TTN: variants seen among roughly 807,000 people sequenced by gnomAD.
TTN encodes connectin.
In TTN, 1,525 loss-of-function variants were observed where a neutral mutation model predicts 3,223.0. The observed-to-expected ratio is 0.47, with a 90% CI of 0.45 to 0.49. The LOEUF (loss-of-function observed/expected upper bound fraction) is 0.49, where lower values mean the gene tolerates loss of function less well. TTN is among the 20% of genes least tolerant of loss of function. The pLI, the probability that TTN is intolerant of heterozygous loss-of-function variation, is 0.00. For missense variants in TTN, 40,786 were observed against 43,424.0 expected (o/e 0.94, Z 5.40); for synonymous variants, 14,094 against 15,161.0 (o/e 0.93, Z 5.17).
Position 178,782,999 on chromosome 2 carries a change from G to A in TTN, c.2907C>T (p.Tyr969=). Residue 969 remains tyrosine, a synonymous_variant, in exon 18 of 363, where the codon TAC becomes TAT. Coordinates refer to ENST00000589042, the MANE Select transcript of TTN (RefSeq NM_001267550.2). ...SVTLECHISG[Y]PSPTVTWYRE... ...TGTACCATGTCACTGTCGGGGATGGGTATCCAGAGATGTGGCACTCCAAGG... is the reference window on the plus strand; with the variant it reads ...TGTACCATGTCACTGTCGGGGATGGATATCCAGAGATGTGGCACTCCAAGG... 1.2e-6 allele frequency: 2 copies of A among 1,614,104 alleles called. No individual in the cohort carries two copies. Among genetic ancestry groups the A allele is most frequent in the Non-Finnish European group, 1.7e-6 (2 of 1,179,980 alleles).
At position 178,777,960 on chromosome 2, in the gene TTN, A is replaced by G. The variant is rs778304141; in HGVS notation, c.4224T>C (p.Arg1408=). ...PVSRIRSLSP[R]SVSRSPIRMS... is the part of the protein sequence containing the mutation. ...TGCGTATAGGAGACCTGCTCACTGA[A>G]CGTGGAGAGAGAGATCTGCAAAACA... is the stretch of plus-strand genomic sequence containing the variant. Residue 1408 remains arginine (R), a synonymous_variant, in exon 25 of 363, where the codon CGT becomes CGC. Coordinates refer to ENST00000589042, the MANE Select transcript of TTN (RefSeq NM_001267550.2). 2 of 1,613,818 alleles carry G rather than the reference A, an allele frequency of 1.2e-6. No individual in the cohort carries two copies. Among genetic ancestry groups the G allele is most frequent in the South Asian group, 1.1e-5 (1 of 91,066 alleles).
chr2:178,664,613 A>C, intron 167 of TTN, 41 bp downstream of exon 167: 1 of 1,607,958 alleles, frequency 6.2e-7, no homozygotes, highest in South Asian at 1.1e-5. Context: ...TATACAAGAA[A>C]AGACATGTTC....
At position 178,531,071 on chromosome 2, in the gene TTN, A is replaced by G. The variant is rs886042549; in HGVS notation, c.105544T>C (p.Tyr35182His). 1 of 1,613,868 alleles carries G rather than the reference A, an allele frequency of 6.2e-7. No homozygotes were observed. The highest frequency in any genetic ancestry group is 1.1e-5 in the South Asian group (1 of 91,074). ...SARHQVTTTK[Y>H]KSTFEISSVQ... ...GAAGAGATCTCAAAGGTTGATTTGTACTTTGTGGTGGTCACTTGGTGGCGG... is the reference window on the plus strand; with the variant it reads ...GAAGAGATCTCAAAGGTTGATTTGTGCTTTGTGGTGGTCACTTGGTGGCGG... The change falls in exon 358 of 363, where the codon TAC becomes CAC. Residue 35182 changes from tyrosine to histidine, a missense_variant. Tyr to His is a moderately conservative substitution (Grantham distance 83). Transcript: ENST00000589042.
rs756672871 is a variant in TTN, at chr2:178,689,068, C to T, written c.32080G>A (p.Ala10694Thr). 29 of 1,583,032 alleles carry T rather than the reference C, an allele frequency of 1.8e-5. No individual in the cohort carries two copies. Among genetic ancestry groups the T allele is most frequent in the Non-Finnish European group, 8.6e-7 (1 of 1,167,762 alleles). ...CAAATCCTACCTCGGGGAGGAGGAG[C>T]TTTCTTAGCGACAGGAACTGGCACT... ...VAVPVPVAKK[A>T]PPPRAEVSKK... Residue 10694 changes from alanine (A) to threonine (T), a missense_variant, in exon 125 of 363, where the codon GCT becomes ACT. Physicochemically the swap from Ala to Thr is moderately conservative, Grantham distance 58. Coordinates refer to ENST00000589042, the MANE Select transcript of TTN (RefSeq NM_001267550.2).
chr2:178,718,594 G>A lies in TTN; in HGVS notation c.24512C>T (p.Ala8171Val), dbSNP rs755340155. The stretch of plus-strand genomic sequence containing the variant: ...ATCAGCCAATCTTTTCACAAAGGTG[G>A]CTGGTTCTATAAGGAGAAAACATGT... ...CTTHLFVKEPATFVKRLADFS... is the reference protein window; with the variant it reads ...CTTHLFVKEPVTFVKRLADFS... The change falls in exon 85 of 363, where the codon GCC becomes GTC. Residue 8171 changes from alanine to valine, a missense_variant. Coordinates refer to ENST00000589042, the MANE Select transcript of TTN (RefSeq NM_001267550.2). The A allele has an allele frequency of 2.5e-6, 4 of 1,611,526 alleles. No individual in the cohort carries two copies. In the African/African-American group the frequency reaches 4.0e-5, roughly 16 times the overall value.
In TTN at chr2:178,570,359, T is replaced by G. The variant is rs768945739; in HGVS notation, c.75773A>C (p.Asn25258Thr). 6.2e-7 allele frequency: 1 copy of G among 1,613,152 alleles called. No individual in the cohort carries two copies. Among genetic ancestry groups the G allele is most frequent in the African/African-American group, 1.3e-5 (1 of 74,888 alleles). The change falls in exon 326 of 363, where the codon AAT becomes ACT. Residue 25258 changes from asparagine (N) to threonine (T), a missense_variant. Transcript: ENST00000589042. ...AACCTTGCAGCTGAGAGTCTGCACA[T>G]TGGCATCAACCACAGTCCAAACTAA... is the stretch of plus-strand genomic sequence containing the variant. Reference protein sequence around the residue: ...SRLVWTVVDANVQTLSCKVTK... With the variant: ...SRLVWTVVDATVQTLSCKVTK...
intron 110 of TTN, 61 bp downstream of exon 110, chr2:178,701,465 TAC>T: frequency 6.5e-7 from 1 of 1,539,780 alleles, no homozygotes; most frequent in Non-Finnish European, 8.8e-7. Flanking sequence ...TAAAATTTCG[TAC>T]AGATTCCTAG....
In TTN at chr2:178,621,264, A is replaced by G. The variant is rs745384075; in HGVS notation, c.45454T>C (p.Trp15152Arg). ...SISKESFPVQ[W>R]KRDDKTLESG... ...TCAAGTGTCTTATCATCCCTCTTCC[A>G]CTGGACTGGAAAGCTTTCTTTTGAT... The change falls in exon 246 of 363, where the codon TGG becomes CGG. Residue 15152 changes from tryptophan to arginine, a missense_variant. Physicochemically the swap from Trp to Arg is moderately radical, Grantham distance 101. Coordinates refer to ENST00000589042, the MANE Select transcript of TTN (RefSeq NM_001267550.2). The G allele has an allele frequency of 1.1e-5, 18 of 1,612,110 alleles. No individual in the cohort carries two copies. The highest frequency in any genetic ancestry group is 1.4e-5 in the Non-Finnish European group (17 of 1,179,088).
chr2:178,619,451 T>C, intron 250 of TTN, 170 bp downstream of exon 250: 1 of 727,846 alleles, frequency 1.4e-6, no homozygotes, highest in Non-Finnish European at 2.2e-6. Context: ...ATTAATTTCC[T>C]CTTACTCAAG....
Position 178,602,530 on chromosome 2 carries a change from A to G in TTN, c.54872T>C (p.Leu18291Pro), listed in dbSNP as rs769159180. The change falls in exon 283 of 363, where the codon CTA (leucine) becomes CCA (proline). Residue 18291 changes from leucine (L) to proline (P), a missense_variant. Transcript: ENST00000589042. Reference protein sequence around the residue: ...VKDKTKSSISLGWKPPAKDGG... With the variant: ...VKDKTKSSISPGWKPPAKDGG... The stretch of plus-strand genomic sequence containing the variant: ...ATCTTTGGCTGGAGGTTTCCATCCT[A>G]GTGAGATGCTTGACTTCGTTTTATC... 2 of 1,603,598 alleles carry G rather than the reference A, an allele frequency of 1.2e-6. No individual in the cohort carries two copies. Among genetic ancestry groups the G allele is most frequent in the African/African-American group, 1.3e-5 (1 of 74,580 alleles).
Position 178,682,778 on chromosome 2 carries a change from G to A in TTN, c.33013C>T (p.Pro11005Ser), listed in dbSNP as rs758199108. ...YDYKEFEEYE[P>S]TEEYDQYEEY... Reference sequence around the variant, plus strand: ...TCATATTGGTCATATTCTTCTGTTGGTTCATACTCCTCAAATTCTTTATAA... The same window carrying A: ...TCATATTGGTCATATTCTTCTGTTGATTCATACTCCTCAAATTCTTTATAA... Residue 11005 changes from proline (P) to serine (S), a missense_variant, in exon 135 of 363, where the codon CCA becomes TCA. Coordinates refer to ENST00000589042, the MANE Select transcript of TTN (RefSeq NM_001267550.2). 6 of 1,612,848 alleles carry A rather than the reference G, an allele frequency of 3.7e-6. No individual in the cohort carries two copies. Among genetic ancestry groups the A allele is most frequent in the Non-Finnish European group, 5.1e-6 (6 of 1,179,226 alleles).
In TTN at chr2:178,741,229, G is replaced by C; in HGVS notation, c.12004C>G (p.Gln4002Glu). 6.2e-7 allele frequency: 1 copy of C among 1,613,452 alleles called. No individual in the cohort carries two copies. Among genetic ancestry groups the C allele is most frequent in the South Asian group, 1.1e-5 (1 of 91,080 alleles). The stretch of plus-strand genomic sequence containing the variant: ...ATATAGAGGCCACTGTCTTCCCTCT[G>C]AGGGTCATTGACAATGAAAGTTCCA... ...GSGTFIVNDP[Q>E]REDSGLYICK... Residue 4002 changes from glutamine (Q) to glutamate (E), a missense_variant, in exon 48 of 363, where the codon CAG becomes GAG. Transcript: ENST00000589042.
Position 178,636,819 on chromosome 2 carries a change from A to C in TTN, c.40928-20T>G. ...GTACACCTAATTCAAAGTAAAATAA[A>C]AAGTTGATTTGGCATCTCCTTAGGA... On this transcript the variant is annotated intron_variant, in intron 224 of 362. Transcript: ENST00000589042. This position sits in a 1 kb window ranked among gnomAD's most constrained non-coding sequence, Gnocchi z 4.3. The C allele has an allele frequency of 6.5e-7, 1 of 1,539,724 alleles. No homozygotes were observed. The highest frequency in any genetic ancestry group is 1.4e-5 in the African/African-American group (1 of 72,312).
chr2:178,612,876 G>C lies in TTN; in HGVS notation c.49845C>G (p.Leu16615=), dbSNP rs371409208. ...GGAATGAGTATTCCTGTCCTTCCATGAGCCCTGGGAGCAAGTGCTGAGTGG... is the reference window on the plus strand; with the variant it reads ...GGAATGAGTATTCCTGTCCTTCCATCAGCCCTGGGAGCAAGTGCTGAGTGG... ...VPTTQHLLPG[L]MEGQEYSFRV... The change falls in exon 265 of 363, where the codon CTC becomes CTG. Residue 16615 remains leucine (L), a synonymous_variant. Transcript: ENST00000589042. The C allele has an allele frequency of 6.2e-7, 1 of 1,612,528 alleles. No individual in the cohort carries two copies.
rs1060500410 is a variant in TTN, at chr2:178,554,518, G to T, written c.88829C>A (p.Ala29610Asp). Reference sequence around the variant, plus strand: ...CTCGCCAATTCCATATTTGTTCACGGCTCGGACCCGGAAGATGTATTCATT... The same window carrying T: ...CTCGCCAATTCCATATTTGTTCACGTCTCGGACCCGGAAGATGTATTCATT... ...KGNEYIFRVR[A>D]VNKYGIGEPL... is the part of the protein sequence containing the mutation. The change falls in exon 332 of 363, where the codon GCC (alanine) becomes GAC (aspartate). Residue 29610 changes from alanine to aspartate, a missense_variant. By Grantham distance (126) the Ala-to-Asp change is moderately radical. Coordinates refer to ENST00000589042, the MANE Select transcript of TTN (RefSeq NM_001267550.2). 4 of 1,613,436 alleles carry T rather than the reference G, an allele frequency of 2.5e-6. No individual in the cohort carries two copies. Among genetic ancestry groups the T allele is most frequent in the Non-Finnish European group, 3.4e-6 (4 of 1,179,756 alleles).
chr2:178,632,969 C>T lies in TTN; in HGVS notation c.43162G>A (p.Val14388Ile), dbSNP rs1385503559. ...HNCQLGMTGE[V>I]SFQAANAKSA... is the part of the protein sequence containing the mutation. The stretch of plus-strand genomic sequence containing the variant: ...TTGGCATTAGCAGCCTGGAAGGAAA[C>T]CTCTCCTGTCATACCCAGCTGACAG... The change falls in exon 234 of 363, where the codon GTT (valine) becomes ATT (isoleucine). Residue 14388 changes from valine (V) to isoleucine (I), a missense_variant. Transcript: ENST00000589042. The T allele has an allele frequency of 6.2e-7, 1 of 1,613,222 alleles. No individual in the cohort carries two copies. Among genetic ancestry groups the T allele is most frequent in the Non-Finnish European group, 8.5e-7 (1 of 1,179,432 alleles).
rs749656661 is a variant in TTN at position 178,678,171 on chromosome 2, C to A, written c.33948G>T (p.Lys11316Asn). ...EVPKKLIPEE[K>N]KPTPVPKKVE... ...CTTTTTTCGGAACAGGTGTTGGTTT[C>A]TTTTCTTCTGGGATGAGCTTCTTGG... The change falls in exon 145 of 363, where the codon AAG (lysine) becomes AAT (asparagine). Residue 11316 changes from lysine (K) to asparagine (N), a missense_variant. By Grantham distance (94) the Lys-to-Asn change is moderately conservative. Coordinates refer to ENST00000589042, the MANE Select transcript of TTN (RefSeq NM_001267550.2). The A allele has an allele frequency of 6.2e-7, 1 of 1,611,198 alleles. No individual in the cohort carries two copies. The highest frequency in any genetic ancestry group is 1.1e-5 in the South Asian group (1 of 90,348).
At chr2:178,679,707 T>G in intron 140 of TTN, 25 bp from the exon 141 acceptor site, 1 of 1,585,162 alleles carries the variant, frequency 6.3e-7, no homozygotes, top group Non-Finnish European at 8.6e-7. Flanking sequence ...TTAAGAATGT[T>G]GGAAATTTTG....
rs1472784946 is a variant in TTN, at chr2:178,714,034, T to A, written c.26624A>T (p.Lys8875Ile). The change falls in exon 92 of 363, where the codon AAA (lysine) becomes ATA (isoleucine). Residue 8875 changes from lysine to isoleucine, a missense_variant. By Grantham distance (102) the Lys-to-Ile change is moderately radical. Transcript: ENST00000589042. ...TTTGTTGAAGAAGCTTATTTTGTAT[T>A]TGTTGTCACTTGTTAGCTCTTTTCC... is the stretch of plus-strand genomic sequence containing the variant. ...KDGKELTSDN[K>I]YKISFFNKVS... 2 of 1,613,456 alleles carry A rather than the reference T, an allele frequency of 1.2e-6. No homozygotes were observed. Among genetic ancestry groups the A allele is most frequent in the Non-Finnish European group, 1.7e-6 (2 of 1,179,692 alleles).
Sources: allele counts gnomAD v4.1 joint callset, GRCh38; gene constraint gnomAD v4.1.1; non-coding constraint Gnocchi (gnomAD v3.1); transcripts MANE v1.5; gene names NCBI Gene and HGNC (gene_info 2026-07-23, HGNC 2026-07-21).